The following RBMS3 variants were observed in gnomAD, a reference collection of about 807,000 sequenced individuals.
The protein encoded by RBMS3 is RNA binding motif single stranded interacting protein 3.
Under a neutral mutation model 66.8 loss-of-function variants are expected in RBMS3, and 27 were observed. The ratio of observed to expected loss-of-function variants is 0.40; its 90% CI spans 0.30 to 0.56. RBMS3 has a LOEUF of 0.56. Among genes scored for constraint, RBMS3 ranks in the 20% least tolerant of loss-of-function variants. The pLI is 0.40. For synonymous variants in RBMS3, 188 were observed against 183.0 expected (o/e 1.03, Z -0.22); for missense variants, 513 against 549.5 (o/e 0.93, Z 0.66).
At chr3:29,763,744 T>G (rs1425986486) in intron 6 of RBMS3, among the ~76,000 whole-genome samples, 1 of 152,080 alleles carries the variant, frequency 6.6e-6, no homozygotes, top group Non-Finnish European at 1.5e-5. Context: ...GTGGAAGGTT[T>G]TAATATTAAC....
chr3:29,456,166 T>A (rs138700524), intron 2 of RBMS3, among the ~76,000 whole-genome samples: 180 of 152,326 alleles, frequency 1.2e-3, no homozygotes, highest in African/African-American at 4.2e-3. Context: ...AGGCTTAGTT[T>A]CTGTGGAGTA....
At chr3:29,791,361 T>C (rs140630499) in intron 6 of RBMS3, among the ~76,000 whole-genome samples, 1 of 152,306 alleles carries the variant, frequency 6.6e-6, no homozygotes, top group African/African-American at 2.4e-5. Context: ...GATGTTGAAA[T>C]GATGTTTAAA....
chr3:29,603,451 T>C (rs911554185), intron 4 of RBMS3, among the ~76,000 whole-genome samples: 4 of 152,018 alleles, frequency 2.6e-5, no homozygotes, highest in African/African-American at 9.7e-5. Flanking sequence ...GGTTCTCAAC[T>C]AGAGGCATTT....
At chr3:29,524,966 A>G (rs1197177378) in intron 3 of RBMS3, among the ~76,000 whole-genome samples, 2 of 151,992 alleles carry the variant, frequency 1.3e-5, no homozygotes, top group African/African-American at 4.8e-5. Flanking sequence ...CTAAGGCAGG[A>G]TTGCTTGAGC....
intron 3 of RBMS3, among the ~76,000 whole-genome samples, chr3:29,493,536 G>A (rs188357762): frequency 7.8e-4 from 119 of 152,222 alleles, no homozygotes; most frequent in African/African-American, 2.7e-3. Flanking sequence ...GCAATATCAA[G>A]CAAGACAAAA....
intron 1 of RBMS3, among the ~76,000 whole-genome samples, chr3:29,365,954 C>A (rs56403028): frequency 0.41 from 62,288 of 151,828 alleles, 13,735 homozygotes; most frequent in Non-Finnish European, 0.49. Context: ...CTCTGGGAAC[C>A]TCATATTTGA....
intron 7 of RBMS3, among the ~76,000 whole-genome samples, chr3:29,880,239 T>C (rs1446644479): frequency 1.3e-5 from 2 of 152,210 alleles, no homozygotes; most frequent in Non-Finnish European, 2.9e-5. Flanking sequence ...TACCCCACTT[T>C]ATTTTAAATA....
intron 4 of RBMS3, among the ~76,000 whole-genome samples, chr3:29,631,310 C>T (rs544919583): frequency 8.2e-4 from 124 of 151,738 alleles, no homozygotes; most frequent in African/African-American, 2.7e-3. Context: ...TATATTTGTT[C>T]TTTTATTTGT....
At chr3:29,546,910 G>T (rs1039298520) in intron 3 of RBMS3, among the ~76,000 whole-genome samples, 1 of 152,108 alleles carries the variant, frequency 6.6e-6, no homozygotes, top group African/African-American at 2.4e-5. Flanking sequence ...ATGTCTTCCG[G>T]TAACAACAAA....
intron 12 of RBMS3, among the ~76,000 whole-genome samples, chr3:29,980,733 G>C (rs1461653956): frequency 6.6e-6 from 1 of 152,112 alleles, no homozygotes; most frequent in Admixed American, 6.6e-5. Context: ...GTCGAAGATA[G>C]ATGGTTGTAG....
At chr3:29,989,564 C>T (rs7635231) in intron 13 of RBMS3, among the ~76,000 whole-genome samples, 21,620 of 152,120 alleles carry the variant, frequency 0.14, 1,796 homozygotes, top group East Asian at 0.2. Context: ...GAAACCTTTA[C>T]GGACTAAATT....
At chr3:29,491,080 C>A (rs1169641407) in intron 3 of RBMS3, among the ~76,000 whole-genome samples, 2 of 152,120 alleles carry the variant, frequency 1.3e-5, no homozygotes, top group African/African-American at 4.8e-5. Context: ...AAATTGCCAA[C>A]ATGCAAAAAC....
chr3:29,601,706 C>A (rs1444180769), intron 4 of RBMS3, among the ~76,000 whole-genome samples: 1 of 152,040 alleles, frequency 6.6e-6, no homozygotes, highest in Non-Finnish European at 1.5e-5. Flanking sequence ...GTCACACTAT[C>A]TTGCACATTA....
chr3:29,466,372 A>T (rs1048430906), intron 2 of RBMS3, among the ~76,000 whole-genome samples: 4 of 152,104 alleles, frequency 2.6e-5, no homozygotes, highest in African/African-American at 9.7e-5. Flanking sequence ...GAACTCTCCA[A>T]AATGCTTTAA....
chr3:29,458,720 C>T (rs2042276400), intron 2 of RBMS3, among the ~76,000 whole-genome samples: 1 of 152,018 alleles, frequency 6.6e-6, no homozygotes, highest in Non-Finnish European at 1.5e-5. Context: ...AGAAAAAAGA[C>T]CTATTATAAA....
chr3:29,354,949 C>T (rs2037132508), intron 1 of RBMS3, among the ~76,000 whole-genome samples: 1 of 152,044 alleles, frequency 6.6e-6, no homozygotes, highest in Admixed American at 6.6e-5. Flanking sequence ...ACCATTTATC[C>T]ATTTCATTTT....
chr3:29,455,229 A>G (rs916934234), intron 2 of RBMS3, among the ~76,000 whole-genome samples: 5 of 152,132 alleles, frequency 3.3e-5, no homozygotes, highest in African/African-American at 9.7e-5. Flanking sequence ...TAGTTCTTTA[A>G]TACATTTTCA....
intron 11 of RBMS3, among the ~76,000 whole-genome samples, chr3:29,938,904 T>C (rs987950706): frequency 6.6e-6 from 1 of 151,904 alleles, no homozygotes. Flanking sequence ...ATCCCAGAGA[T>C]GTTGTGAGTG....
chr3:29,601,607 A>T (rs1461340161), intron 4 of RBMS3, among the ~76,000 whole-genome samples: 2 of 152,040 alleles, frequency 1.3e-5, no homozygotes, highest in Non-Finnish European at 2.9e-5. Context: ...TATTGCCAAT[A>T]ATCCTCGAGT....
Sources: allele counts gnomAD v4.1 joint callset (sites outside exome capture counted in the v4.1 genomes callset), GRCh38; gene constraint gnomAD v4.1.1; transcripts MANE v1.5; gene names NCBI Gene and HGNC (gene_info 2026-07-23, HGNC 2026-07-21).